Variants in KHDRBS2 observed in about 807,000 individuals in gnomAD.
KHDRBS2 encodes KH domain-containing, RNA-binding, signal transduction-associated protein 2.
A neutral mutation model predicts 44.3 loss-of-function variants in KHDRBS2; 26 were observed. The ratio of observed to expected loss-of-function variants is 0.59; its 90% CI spans 0.43 to 0.81. KHDRBS2 has a LOEUF of 0.81. KHDRBS2 is among the 40% of genes least tolerant of loss of function. The probability of loss-of-function intolerance (pLI) is 0.00; values close to 1 mark genes in which losing one functional copy is unlikely to be tolerated. For missense variants in KHDRBS2, 476 were observed against 433.1 expected, an observed-to-expected ratio of 1.10 and a Z score of -0.88; for synonymous variants, 194 against 151.1, an observed-to-expected ratio of 1.28 and a Z score of -2.08.
intron 3 of KHDRBS2, among the ~76,000 whole-genome samples, chr6:62,002,116 AT>A (rs1380818440): frequency 6.6e-6 from 1 of 152,018 alleles, no homozygotes; most frequent in African/African-American, 2.4e-5. Context: ...AAGTGCACAC[AT>A]TTGAAACCAT....
At position 62,211,290 on chromosome 6, in the gene KHDRBS2, G is replaced by A. The variant is rs541785437; in HGVS notation, c.92-33978C>T. Among the ~76,000 whole-genome samples the A allele has an allele frequency of 6.0e-5, 9 of 150,586 alleles. No individual in the cohort carries two copies. The South Asian group carries it at 1.9e-3, about 32-fold the overall frequency. On this transcript the variant is annotated intron_variant, in intron 1 of 8. Coordinates refer to ENST00000281156, the MANE Select transcript of KHDRBS2 (RefSeq NM_152688.4). ...AGTTTGCCTAAATTTAGTTTCCAGA[G>A]TTATGCAGAAATAGTTGAAGTGGAA...
chr6:61,691,083 G>C (rs112601885), intron 8 of KHDRBS2, among the ~76,000 whole-genome samples: 1 of 151,958 alleles, frequency 6.6e-6, no homozygotes, highest in Non-Finnish European at 1.5e-5. Flanking sequence ...CTGAACGTTC[G>C]TATTTTTTTC....
intron 2 of KHDRBS2, among the ~76,000 whole-genome samples, chr6:62,138,390 A>T (rs1350444128): frequency 1.3e-5 from 2 of 152,198 alleles, no homozygotes; most frequent in African/African-American, 4.8e-5. Flanking sequence ...TGGTGTTTTA[A>T]AGGATCCATA....
chr6:61,720,894 G>C (rs1772366682), intron 7 of KHDRBS2, among the ~76,000 whole-genome samples: 1 of 150,938 alleles, frequency 6.6e-6, no homozygotes, highest in African/African-American at 2.5e-5. Flanking sequence ...TTTTCTTCTA[G>C]GGTTTTTATG....
intron 1 of KHDRBS2, among the ~76,000 whole-genome samples, chr6:62,203,427 C>G (rs921853811): frequency 2.0e-5 from 3 of 152,026 alleles, no homozygotes; most frequent in African/African-American, 7.2e-5. Flanking sequence ...TTTCAAAATA[C>G]TAATGGGCAG....
chr6:61,893,381 C>T (rs1802340676), intron 6 of KHDRBS2, among the ~76,000 whole-genome samples: 1 of 152,132 alleles, frequency 6.6e-6, no homozygotes, highest in African/African-American at 2.4e-5. Flanking sequence ...CCATTTGACC[C>T]AGCCATCCCA....
intron 6 of KHDRBS2, among the ~76,000 whole-genome samples, chr6:61,798,270 G>C (rs1003097155): frequency 2.6e-5 from 4 of 152,042 alleles, no homozygotes; most frequent in Middle Eastern, 3.2e-3. Flanking sequence ...TTCTGCATAT[G>C]AGTAGAAACA....
At chr6:61,731,894 A>T (rs959512050) in intron 7 of KHDRBS2, among the ~76,000 whole-genome samples, 2 of 152,152 alleles carry the variant, frequency 1.3e-5, no homozygotes, top group African/African-American at 4.8e-5. Flanking sequence ...TTACATTATT[A>T]TATTGTTTCT....
intron 2 of KHDRBS2, among the ~76,000 whole-genome samples, chr6:62,081,540 C>A (rs1562812426): frequency 6.6e-6 from 1 of 151,968 alleles, no homozygotes; most frequent in Admixed American, 6.6e-5. Flanking sequence ...TGGAATCATG[C>A]AAAATTAGAA....
At chr6:62,119,217 T>C (rs1481033487) in intron 2 of KHDRBS2, among the ~76,000 whole-genome samples, 5 of 152,296 alleles carry the variant, frequency 3.3e-5, no homozygotes, top group African/African-American at 4.8e-5. Flanking sequence ...TAGAGGGATA[T>C]GCAAAATTAA....
the KHDRBS2 span, among the ~76,000 whole-genome samples, chr6:61,624,086 A>T: frequency 6.6e-6 from 1 of 152,230 alleles, no homozygotes; most frequent in Non-Finnish European, 1.5e-5. Flanking sequence ...TAGCAGAAAG[A>T]CATATGGGAG....
the KHDRBS2 span, among the ~76,000 whole-genome samples, chr6:61,631,249 G>A: frequency 4.8e-5 from 6 of 124,862 alleles, no homozygotes; most frequent in African/African-American, 1.8e-4. Context: ...AAGACAAATA[G>A]TTTCCTTCTG....
At chr6:61,726,082 T>A (rs1773494799) in intron 7 of KHDRBS2, among the ~76,000 whole-genome samples, 1 of 152,056 alleles carries the variant, frequency 6.6e-6, no homozygotes, top group African/African-American at 2.4e-5. Context: ...CAGCAGCACA[T>A]CAAAAAACTT....
At chr6:62,165,285 T>C (rs1818443661) in intron 2 of KHDRBS2, among the ~76,000 whole-genome samples, 1 of 150,024 alleles carries the variant, frequency 6.7e-6, no homozygotes, top group South Asian at 2.1e-4. Context: ...TCATTGGCGC[T>C]TAATTTTAAT....
chr6:62,040,183 AAATACAATAC>A (rs1198780374), intron 3 of KHDRBS2, among the ~76,000 whole-genome samples: 1 of 151,994 alleles, frequency 6.6e-6, no homozygotes. Context: ...AATAAGTTGT[AAATACAATAC>A]AATACAATAC....
At chr6:62,018,972 A>G (rs1215205855) in intron 3 of KHDRBS2, among the ~76,000 whole-genome samples, 1 of 152,082 alleles carries the variant, frequency 6.6e-6, no homozygotes, top group African/African-American at 2.4e-5. Flanking sequence ...AAAATTGAAA[A>G]GAATTTTATC....
chr6:62,119,730 C>T (rs942470060), intron 2 of KHDRBS2, among the ~76,000 whole-genome samples: 2 of 152,224 alleles, frequency 1.3e-5, no homozygotes, highest in African/African-American at 2.4e-5. Flanking sequence ...ATTCCCTCCT[C>T]CACTCACACT....
chr6:61,621,064 T>C, the KHDRBS2 span, among the ~76,000 whole-genome samples: 10 of 152,126 alleles, frequency 6.6e-5, no homozygotes, highest in African/African-American at 2.4e-4. Context: ...ATAGAAGCAG[T>C]TCGAGAAAGG....
chr6:62,144,918 C>T (rs1562953294), intron 2 of KHDRBS2, among the ~76,000 whole-genome samples: 1 of 151,804 alleles, frequency 6.6e-6, no homozygotes, highest in Non-Finnish European at 1.5e-5. Flanking sequence ...AAGGTAAGTC[C>T]TTAGTGCATT....
Sources: gnomAD v4.1 joint callset for allele counts (sites outside exome capture counted in the v4.1 genomes callset) on GRCh38, gnomAD v4.1.1 for gene constraint, MANE v1.5 for transcripts, NCBI Gene and HGNC (gene_info 2026-07-23, HGNC 2026-07-21) for gene names.